The following HDAC9 variants were observed in gnomAD, a reference collection of about 807,000 sequenced individuals.
The protein encoded by HDAC9 is histone deacetylase 9.
A neutral mutation model predicts 139.4 loss-of-function variants in HDAC9; 41 were observed. The ratio of observed to expected loss-of-function variants is 0.29; its 90% confidence interval spans 0.23 to 0.38. The LOEUF is 0.38. HDAC9 is among the 10% of genes least tolerant of loss of function. HDAC9 has a pLI of 1.00. For synonymous variants in HDAC9, 517 were observed against 476.2 expected (o/e 1.09, Z -1.12); for missense variants, 1,147 against 1,297.0 (o/e 0.88, Z 1.78).
chr7:18,749,723 G>C (rs987127117), intron 14 of HDAC9, among the ~76,000 whole-genome samples: 3 of 152,030 alleles, frequency 2.0e-5, no homozygotes, highest in Non-Finnish European at 4.4e-5. Flanking sequence ...TGCTTTCAAA[G>C]GTTAAAAACA....
At chr7:18,655,058 G>A (rs934449194) in intron 11 of HDAC9, among the ~76,000 whole-genome samples, 6 of 152,132 alleles carry the variant, frequency 3.9e-5, no homozygotes, top group African/African-American at 9.7e-5. Context: ...GGAAGTTACC[G>A]ACTTCATCAG....
Position 18,369,864 on chromosome 7 carries a change from G to A in HDAC9, c.-42+79349G>A, listed in dbSNP as rs186821287. ...GCATCCGTGTAACTGCTGCTCTGAGGGGAAATAAAGTTTATAGAGAATCTT... is the reference window on the plus strand; with the variant it reads ...GCATCCGTGTAACTGCTGCTCTGAGAGGAAATAAAGTTTATAGAGAATCTT... On this transcript the variant is annotated intron_variant, in intron 1 of 3. Transcript: ENST00000413509. Among the ~76,000 whole-genome samples, 302 of 152,128 alleles carry A rather than the reference G, an allele frequency of 2.0e-3. 1 individual carries two copies. Among genetic ancestry groups the A allele is most frequent in the African/African-American group, 7.0e-3 (292 of 41,502 alleles).
At chr7:18,404,277 G>A (rs140771611) in intron 1 of HDAC9, among the ~76,000 whole-genome samples, 77 of 152,202 alleles carry the variant, frequency 5.1e-4, no homozygotes, top group Non-Finnish European at 9.6e-4. Flanking sequence ...AAAAATGTAA[G>A]AGGCATCCTG....
intron 2 of HDAC9, among the ~76,000 whole-genome samples, chr7:18,235,096 A>G (rs1249225948): frequency 6.6e-6 from 1 of 152,182 alleles, no homozygotes; most frequent in African/African-American, 2.4e-5. Flanking sequence ...CAAGCACCCT[A>G]GATGATTGTT....
rs372312403 is a variant in HDAC9, at chr7:18,585,234, T to A, written c.23-47T>A. ...AAATCAATGTGCTAATTTCCAATCT[T>A]CTATTACCCTCCCCCACCCCATTTC... On this transcript the variant is annotated intron_variant, in intron 2 of 25. Transcript: ENST00000686413. 14 of 1,594,710 alleles carry A rather than the reference T, an allele frequency of 8.8e-6. No homozygotes were observed. In the African/African-American group the frequency reaches 1.8e-4, roughly 20 times the overall value.
chr7:18,844,631 G>C (rs1033918812), intron 21 of HDAC9, among the ~76,000 whole-genome samples: 1 of 152,110 alleles, frequency 6.6e-6, no homozygotes, highest in African/African-American at 2.4e-5. Flanking sequence ...TACCGAAATG[G>C]ACTGAATTTC....
chr7:18,501,720 G>C (rs891101916), intron 2 of HDAC9, among the ~76,000 whole-genome samples: 5 of 152,044 alleles, frequency 3.3e-5, no homozygotes, highest in Admixed American at 2.6e-4. Context: ...AAGAGGAGGG[G>C]CTTTTTCTTT....
At chr7:18,164,666 T>C (rs988526483) in intron 2 of HDAC9, among the ~76,000 whole-genome samples, 57 of 152,352 alleles carry the variant, frequency 3.7e-4, no homozygotes, top group African/African-American at 1.3e-3. Context: ...ACGTTCTCCA[T>C]CCATATTCAA....
At chr7:18,698,198 T>A (rs961290423) in intron 12 of HDAC9, among the ~76,000 whole-genome samples, 5 of 152,204 alleles carry the variant, frequency 3.3e-5, no homozygotes, top group African/African-American at 9.7e-5. Flanking sequence ...TTTCTCCCCC[T>A]ACACCAAATG....
At chr7:18,148,051 T>A (rs986156852) in intron 1 of HDAC9, among the ~76,000 whole-genome samples, 4 of 152,224 alleles carry the variant, frequency 2.6e-5, no homozygotes, top group Non-Finnish European at 4.4e-5. Flanking sequence ...TTGCTGTTAA[T>A]ATTTTTGTGA....
chr7:18,652,618 A>G (rs1285421532), intron 11 of HDAC9, among the ~76,000 whole-genome samples: 1 of 152,136 alleles, frequency 6.6e-6, no homozygotes, highest in Non-Finnish European at 1.5e-5. Context: ...CATCCCCTTG[A>G]CAACATTATT....
intron 2 of HDAC9, among the ~76,000 whole-genome samples, chr7:18,538,485 C>T (rs974893229): frequency 3.9e-5 from 6 of 152,200 alleles, no homozygotes; most frequent in Non-Finnish European, 7.3e-5. Flanking sequence ...GTTTGGGAAT[C>T]AGATATTCAT....
chr7:18,951,902 G>C (rs571099999), intron 23 of HDAC9, among the ~76,000 whole-genome samples: 1 of 151,552 alleles, frequency 6.6e-6, no homozygotes, highest in Non-Finnish European at 1.5e-5. Flanking sequence ...CTGTGGTCCC[G>C]CCATACAAGA....
intron 22 of HDAC9, among the ~76,000 whole-genome samples, chr7:18,935,452 G>A (rs758563587): frequency 5.2e-4 from 79 of 152,218 alleles, no homozygotes; most frequent in Non-Finnish European, 7.5e-4. Context: ...GAAGCATATG[G>A]TAAGCAAATG....
At chr7:18,429,531 G>A (rs1194236213) in intron 1 of HDAC9, among the ~76,000 whole-genome samples, 3 of 151,422 alleles carry the variant, frequency 2.0e-5, no homozygotes, top group African/African-American at 7.3e-5. Context: ...CCATAAGTTT[G>A]ACTCTGTGTG....
At chr7:18,149,712 A>G (rs1213642444) in intron 1 of HDAC9, among the ~76,000 whole-genome samples, 1 of 151,698 alleles carries the variant, frequency 6.6e-6, no homozygotes. Flanking sequence ...CACCACGCCC[A>G]ACTAATTTAG....
chr7:18,350,507 T>C (rs1438806990), intron 1 of HDAC9, among the ~76,000 whole-genome samples: 1 of 152,186 alleles, frequency 6.6e-6, no homozygotes, highest in African/African-American at 2.4e-5. Context: ...TCCTTCTCAC[T>C]CTCCCTTCTC....
intron 23 of HDAC9, among the ~76,000 whole-genome samples, chr7:18,953,063 A>C (rs1782910894): frequency 6.6e-6 from 1 of 152,064 alleles, no homozygotes; most frequent in South Asian, 2.1e-4. Flanking sequence ...AGATTCACTC[A>C]CATATGTGGT....
At chr7:18,616,453 A>G (rs1331914898) in intron 6 of HDAC9, among the ~76,000 whole-genome samples, 1 of 152,212 alleles carries the variant, frequency 6.6e-6, no homozygotes, top group Non-Finnish European at 1.5e-5. Context: ...TGATCTGTCT[A>G]GAAAAGGATT....
Sources: gnomAD v4.1 joint callset for allele counts (sites outside exome capture counted in the v4.1 genomes callset) on GRCh38, gnomAD v4.1.1 for gene constraint, MANE v1.5 for transcripts, NCBI Gene and HGNC (gene_info 2026-07-23, HGNC 2026-07-21) for gene names.